DDHD1: variants seen among roughly 807,000 people sequenced by gnomAD.
DDHD1 encodes the protein phospholipase DDHD1.
In DDHD1, 49 loss-of-function variants were observed where a neutral mutation model predicts 96.4. That is an observed-to-expected ratio of 0.51 (90% CI 0.40 to 0.64). The LOEUF (loss-of-function observed/expected upper bound fraction) is 0.64, where lower values mean the gene tolerates loss of function less well. DDHD1 is among the 30% of genes least tolerant of loss of function. DDHD1 has a pLI of 0.00. For missense variants in DDHD1, 1,106 were observed against 1,161.2 expected, an observed-to-expected ratio of 0.95 and a Z score of 0.69; for synonymous variants, 442 against 446.5, an observed-to-expected ratio of 0.99 and a Z score of 0.13.
intron 1 of DDHD1, among the ~76,000 whole-genome samples, chr14:53,110,543 C>T (rs1434646432): frequency 6.6e-6 from 1 of 152,186 alleles, no homozygotes; most frequent in Non-Finnish European, 1.5e-5. Context: ...TCTTCACCTT[C>T]TATGATTTCA....
At chr14:53,081,689 G>A (rs943943273) in intron 4 of DDHD1, among the ~76,000 whole-genome samples, 1 of 152,152 alleles carries the variant, frequency 6.6e-6, no homozygotes, top group Non-Finnish European at 1.5e-5. Context: ...CTAATTTTGA[G>A]TTCTCAACTT....
At chr14:53,076,581 A>G (rs1283888085) in intron 4 of DDHD1, among the ~76,000 whole-genome samples, 1 of 152,210 alleles carries the variant, frequency 6.6e-6, no homozygotes, top group Non-Finnish European at 1.5e-5. Context: ...GACAGGATTG[A>G]TTCAAATTTT....
intron 2 of DDHD1, among the ~76,000 whole-genome samples, chr14:53,095,167 G>A (rs1039341412): frequency 6.6e-6 from 1 of 152,096 alleles, no homozygotes; most frequent in African/African-American, 2.4e-5. Context: ...TGGTATATAG[G>A]TAGGAAAAAT....
chr14:53,074,928 A>C (rs1465772718), intron 4 of DDHD1, among the ~76,000 whole-genome samples: 2 of 152,032 alleles, frequency 1.3e-5, no homozygotes, highest in African/African-American at 4.8e-5. Flanking sequence ...AAATTTTCTC[A>C]TTATTATTAC....
chr14:53,051,558 AAAG>A (rs1237847149), intron 12 of DDHD1, among the ~76,000 whole-genome samples: 2 of 152,020 alleles, frequency 1.3e-5, no homozygotes, highest in Non-Finnish European at 2.9e-5. Context: ...TTAGGACAAT[AAAG>A]AAGGAAGAAA....
intron 9 of DDHD1, among the ~76,000 whole-genome samples, chr14:53,056,394 C>T (rs975579022): frequency 2.0e-5 from 3 of 152,176 alleles, no homozygotes; most frequent in Admixed American, 6.5e-5. Context: ...GCAATGGATA[C>T]GGCATCAGAA....
At chr14:53,126,388 G>C (rs1889439195) in intron 1 of DDHD1, among the ~76,000 whole-genome samples, 1 of 152,074 alleles carries the variant, frequency 6.6e-6, no homozygotes, top group African/African-American at 2.4e-5. Context: ...TTGAGACAGG[G>C]TCTCACTCCC....
intron 1 of DDHD1, among the ~76,000 whole-genome samples, chr14:53,141,864 A>T (rs1890663531): frequency 6.6e-6 from 1 of 152,148 alleles, no homozygotes; most frequent in Non-Finnish European, 1.5e-5. Context: ...GGCTGAAGTA[A>T]TTTTGATAGA....
intron 5 of DDHD1, 91 bp from the exon 6 acceptor site, chr14:53,072,794 G>C: frequency 1.5e-6 from 1 of 676,424 alleles, no homozygotes; most frequent in Non-Finnish European, 2.4e-6. Context: ...GCCTGAAATA[G>C]TAACTATTTA....
chr14:53,129,864 C>T (rs1889733501), intron 1 of DDHD1, among the ~76,000 whole-genome samples: 1 of 152,184 alleles, frequency 6.6e-6, no homozygotes, highest in South Asian at 2.1e-4. Flanking sequence ...TTTGATTTCT[C>T]CATCCTACAA....
chr14:53,051,761 G>C lies in DDHD1; in HGVS notation c.2521+83C>G, dbSNP rs548165363. The C allele has an allele frequency of 6.3e-6, 7 of 1,116,400 alleles. No individual in the cohort carries two copies. In the Admixed American group the frequency reaches 1.5e-4, roughly 25 times the overall value. 69.2% of individuals were successfully genotyped at this position (1,116,400 alleles called of 1,614,324 possible). ...GAAGCTGGGATCTCATAGAAGAACT[G>C]ATCCAATTTTTCAATAAGCAGAAGA... On this transcript the variant is annotated intron_variant, in intron 12 of 12. Coordinates refer to ENST00000673822, the MANE Select transcript of DDHD1 (RefSeq NM_001160148.2).
rs55662153 is a variant in DDHD1, at chr14:53,068,243, C to CTTTTTTTT, written c.1503+4346_1503+4353dup. Among the ~76,000 whole-genome samples, 110 of 104,436 alleles carry CTTTTTTTT rather than the reference C, an allele frequency of 1.1e-3. 3 individuals are homozygous for CTTTTTTTT. Among genetic ancestry groups the CTTTTTTTT allele is most frequent in the African/African-American group, 2.8e-3 (72 of 25,720 alleles). The allele number at this position is 104,436 out of a possible 152,430, so 68.5% of individuals were successfully genotyped here. On this transcript the variant is annotated intron_variant, in intron 6 of 12. Transcript: ENST00000673822. Reference sequence around the variant, plus strand: ...CCGCAGCCACTCGGCCTTTATGATACTTTTTTTTTTTTTTTTTTGAGATGG... The same window carrying CTTTTTTTT: ...CCGCAGCCACTCGGCCTTTATGATACTTTTTTTTTTTTTTTTTTTTTTTTTTGAGATGG...
intron 1 of DDHD1, among the ~76,000 whole-genome samples, chr14:53,114,918 C>A (rs553484126): frequency 6.6e-6 from 1 of 152,238 alleles, no homozygotes; most frequent in Admixed American, 6.6e-5. Flanking sequence ...TGGGTAATAA[C>A]AAACTCCTCT....
At chr14:53,061,235 T>C (rs768292127) in intron 7 of DDHD1, 34 bp from the exon 8 acceptor site, 1 of 1,550,354 alleles carries the variant, frequency 6.5e-7, no homozygotes. Flanking sequence ...TACACACACG[T>C]ATTTATAATT....
intron 1 of DDHD1, among the ~76,000 whole-genome samples, chr14:53,140,317 T>A (rs1209891639): frequency 6.6e-6 from 1 of 152,126 alleles, no homozygotes; most frequent in Non-Finnish European, 1.5e-5. Flanking sequence ...GTAGAGCACC[T>A]GAGGTCAGGA....
intron 1 of DDHD1, among the ~76,000 whole-genome samples, chr14:53,138,462 G>T (rs1447796463): frequency 6.6e-6 from 1 of 152,176 alleles, no homozygotes; most frequent in African/African-American, 2.4e-5. Context: ...TTGTATTTTG[G>T]TGTTTATAAT....
intron 6 of DDHD1, among the ~76,000 whole-genome samples, chr14:53,070,774 T>C (rs1233404151): frequency 1.3e-5 from 2 of 152,150 alleles, no homozygotes; most frequent in Non-Finnish European, 2.9e-5. Context: ...ATTATAAAAA[T>C]AGTTACAGGT....
At chr14:53,085,211 A>C (rs1885841225) in intron 4 of DDHD1, among the ~76,000 whole-genome samples, 1 of 152,220 alleles carries the variant, frequency 6.6e-6, no homozygotes, top group Non-Finnish European at 1.5e-5. Flanking sequence ...GCTGAACAAA[A>C]GGCAGCAGAA....
chr14:53,148,247 C>T (rs541391581), intron 1 of DDHD1, among the ~76,000 whole-genome samples: 1 of 151,834 alleles, frequency 6.6e-6, no homozygotes, highest in African/African-American at 2.4e-5. Flanking sequence ...TTAGTTTAGT[C>T]AATGAATAGA....
Sources: allele counts gnomAD v4.1 joint callset (sites outside exome capture counted in the v4.1 genomes callset), GRCh38; gene constraint gnomAD v4.1.1; transcripts MANE v1.5; gene names NCBI Gene and HGNC (gene_info 2026-07-23, HGNC 2026-07-21).